Variants in BCAS3 observed in about 807,000 individuals in gnomAD.
BCAS3 encodes BCAS3 microtubule associated cell migration factor.
BCAS3 carries 53 observed loss-of-function variants against 116.1 expected under a neutral mutation model. The ratio of observed to expected loss-of-function variants is 0.46; its 90% CI spans 0.37 to 0.57. BCAS3 has a LOEUF of 0.57. BCAS3 is among the 20% of genes least tolerant of loss of function. The probability of loss-of-function intolerance (pLI) is 0.00; values close to 1 mark genes in which losing one functional copy is unlikely to be tolerated. For missense variants in BCAS3, 917 were observed against 1,165.4 expected, an observed-to-expected ratio of 0.79 and a Z score of 3.10; for synonymous variants, 391 against 408.2, an observed-to-expected ratio of 0.96 and a Z score of 0.51.
At chr17:61,120,761 A>G (rs1026241442) in intron 22 of BCAS3, among the ~76,000 whole-genome samples, 3 of 152,176 alleles carry the variant, frequency 2.0e-5, no homozygotes, top group African/African-American at 7.2e-5. Flanking sequence ...GAAGATTAAC[A>G]ATAATAATGT....
intron 19 of BCAS3, among the ~76,000 whole-genome samples, chr17:61,067,273 G>GTGTATA (rs1251223420): frequency 4.9e-4 from 29 of 58,800 alleles, no homozygotes; most frequent in East Asian, 1.5e-3. Flanking sequence ...GTGTGTATGT[G>GTGTATA]TATATATATA....
chr17:61,326,047 C>A lies in BCAS3; in HGVS notation c.2426-42280C>A, dbSNP rs917396428. ...TCTCTATAAATGCTAACTGTGTGTG[C>A]TATTAAATGCGCACTGCCCGGACAC... On this transcript the variant is annotated intron_variant, in intron 22 of 23. Transcript: ENST00000407086. The surrounding 1 kb of genome is among the most constrained non-coding windows in gnomAD (Gnocchi z 5.3). Among the ~76,000 whole-genome samples the A allele has an allele frequency of 1.8e-4, 27 of 152,164 alleles. 1 individual carries two copies. The highest frequency in any genetic ancestry group is 6.5e-4 in the African/African-American group (27 of 41,428).
At chr17:60,996,823 T>G (rs1407587551) in intron 15 of BCAS3, among the ~76,000 whole-genome samples, 1 of 152,128 alleles carries the variant, frequency 6.6e-6, no homozygotes, top group Non-Finnish European at 1.5e-5. Flanking sequence ...AAACTATATA[T>G]GAGAAATCCT....
chr17:60,985,393 C>T (rs926549524), intron 14 of BCAS3, among the ~76,000 whole-genome samples: 2 of 151,934 alleles, frequency 1.3e-5, no homozygotes, highest in African/African-American at 2.4e-5. Flanking sequence ...GTGATCCACC[C>T]GTCTTGGCCT....
Position 61,013,516 on chromosome 17 carries a change from A to C in BCAS3, c.1487-2235A>C, listed in dbSNP as rs765816641. Among the ~76,000 whole-genome samples, 2 of 152,086 alleles carry C rather than the reference A, an allele frequency of 1.3e-5. No homozygotes were observed. The highest frequency in any genetic ancestry group is 2.9e-5 in the Non-Finnish European group (2 of 67,960). ...TGAAGCAGTTTTTCTCATTTCTTCC[A>C]CAAATATAATATTTTAATGTGATTT... On this transcript the variant is annotated intron_variant, in intron 15 of 23. Coordinates refer to ENST00000407086, the MANE Select transcript of BCAS3 (RefSeq NM_017679.5). This position sits in a 1 kb window ranked among gnomAD's most constrained non-coding sequence, Gnocchi z 4.4.
intron 3 of BCAS3, among the ~76,000 whole-genome samples, chr17:60,686,212 GCTTT>G (rs1189991220): frequency 1.3e-5 from 2 of 152,102 alleles, no homozygotes; most frequent in Non-Finnish European, 2.9e-5. Context: ...TGAGAACAGT[GCTTT>G]CTAACATTTT....
chr17:61,275,234 T>C (rs942587436), intron 22 of BCAS3, among the ~76,000 whole-genome samples: 4 of 152,252 alleles, frequency 2.6e-5, no homozygotes, highest in African/African-American at 9.6e-5. Context: ...AAAAATTGAT[T>C]GAATTGTCTA....
rs77139215 is a variant in BCAS3 at position 61,313,366 on chromosome 17, T to G, written c.2426-54961T>G. Among the ~76,000 whole-genome samples the G allele has an allele frequency of 0.019, 2,962 of 152,316 alleles. 66 individuals are homozygous for G. The highest frequency in any genetic ancestry group is 0.053 in the African/African-American group (2,184 of 41,570). Reference sequence around the variant, plus strand: ...CTATAGGAAGCTTAATCTGCGGTTCTACTTAAAATATGAGGAAACATCTGG... The same window carrying G: ...CTATAGGAAGCTTAATCTGCGGTTCGACTTAAAATATGAGGAAACATCTGG... On this transcript the variant is annotated intron_variant, in intron 22 of 23. Transcript: ENST00000407086. This position sits in a 1 kb window ranked among gnomAD's most constrained non-coding sequence, Gnocchi z 4.3.
chr17:60,803,407 T>C (rs62082890), intron 6 of BCAS3, among the ~76,000 whole-genome samples: 325 of 152,372 alleles, frequency 2.1e-3, no homozygotes, highest in Admixed American at 3.8e-3. Context: ...GATTCTGCGA[T>C]GTAAAGTAAT....
intron 6 of BCAS3, among the ~76,000 whole-genome samples, chr17:60,793,263 A>T (rs998691626): frequency 2.6e-5 from 4 of 151,584 alleles, no homozygotes; most frequent in African/African-American, 9.7e-5. Context: ...TGCCCTGCTA[A>T]TTTTTTTGTT....
At chr17:60,805,647 G>A (rs1483420511) in intron 6 of BCAS3, among the ~76,000 whole-genome samples, 1 of 151,994 alleles carries the variant, frequency 6.6e-6, no homozygotes, top group Non-Finnish European at 1.5e-5. Flanking sequence ...GGGCAACACG[G>A]TGAAACCCCG....
intron 6 of BCAS3, among the ~76,000 whole-genome samples, chr17:60,747,783 A>G (rs1429207203): frequency 1.3e-5 from 2 of 152,212 alleles, no homozygotes; most frequent in Admixed American, 1.3e-4. Context: ...CTGCATCTAC[A>G]GCTATGTCAG....
rs1164808032 is a variant in BCAS3, at chr17:61,326,507, C to A, written c.2426-41820C>A. Among the ~76,000 whole-genome samples, 1 of 152,016 alleles carries A rather than the reference C, an allele frequency of 6.6e-6. No individual in the cohort carries two copies. The highest frequency in any genetic ancestry group is 3.2e-3 in the Middle Eastern group (1 of 316). ...GAAGACAGGAGACTGTTAGAGAAGT[C>A]GAGTAGAACATGATGGAATGGATTA... On this transcript the variant is annotated intron_variant, in intron 22 of 23. Transcript: ENST00000407086. The surrounding 1 kb of genome is among the most constrained non-coding windows in gnomAD (Gnocchi z 5.3).
chr17:61,043,908 C>T (rs910820148), intron 19 of BCAS3, among the ~76,000 whole-genome samples: 5 of 151,982 alleles, frequency 3.3e-5, no homozygotes, highest in Non-Finnish European at 7.4e-5. Context: ...TTTTTAACTT[C>T]GTGGTTGTAG....
At position 61,343,073 on chromosome 17, in the gene BCAS3, G is replaced by A. The variant is rs1416223158; in HGVS notation, c.2426-25254G>A. Among the ~76,000 whole-genome samples, 2 of 152,196 alleles carry A rather than the reference G, an allele frequency of 1.3e-5. No individual in the cohort carries two copies. The highest frequency in any genetic ancestry group is 2.4e-5 in the African/African-American group (1 of 41,450). On this transcript the variant is annotated intron_variant, in intron 22 of 23. Transcript: ENST00000407086. The surrounding 1 kb of genome is among the most constrained non-coding windows in gnomAD (Gnocchi z 5.5). ...AGCCGAGATTTTCTTTTAAAGGAAGGTGAGAGAGTAACTTCTTGGCCACCT... is the reference window on the plus strand; with the variant it reads ...AGCCGAGATTTTCTTTTAAAGGAAGATGAGAGAGTAACTTCTTGGCCACCT...
In BCAS3 at chr17:61,105,204, T is replaced by C. The variant is rs551740112; in HGVS notation, c.2425+20640T>C. On this transcript the variant is annotated intron_variant, in intron 22 of 23. Coordinates refer to ENST00000407086, the MANE Select transcript of BCAS3 (RefSeq NM_017679.5). The surrounding 1 kb of genome is among the most constrained non-coding windows in gnomAD (Gnocchi z 4.3). ...GGGCACAGCACATTGGAAAACTGCC[T>C]TGCACCAGCCCAGTTTTCCACTCAG... Among the ~76,000 whole-genome samples, 238 of 152,352 alleles carry C rather than the reference T, an allele frequency of 1.6e-3. No individual in the cohort carries two copies. The highest frequency in any genetic ancestry group is 6.8e-3 in the Middle Eastern group (2 of 294).
intron 22 of BCAS3, among the ~76,000 whole-genome samples, chr17:61,176,412 TCTTA>T (rs1322438438): frequency 1.3e-5 from 2 of 150,842 alleles, no homozygotes; most frequent in African/African-American, 4.8e-5. Context: ...TAATTTTTAT[TCTTA>T]CTTCCTGATA....
intron 22 of BCAS3, among the ~76,000 whole-genome samples, chr17:61,254,777 G>GGAAAAAAAAAAAAA (rs749297966): frequency 1.4e-5 from 1 of 73,526 alleles, no homozygotes; most frequent in Admixed American, 2.3e-4. Flanking sequence ...CTCCGTCTCA[G>GGAAAAAAAAAAAAA]AAAAAAAAAA....
chr17:61,238,656 C>G (rs976321385), intron 22 of BCAS3, among the ~76,000 whole-genome samples: 2 of 152,092 alleles, frequency 1.3e-5, no homozygotes, highest in Non-Finnish European at 2.9e-5. Flanking sequence ...TTTTTCTGAG[C>G]GACACATTTG....
Sources: allele counts gnomAD v4.1 joint callset (sites outside exome capture counted in the v4.1 genomes callset), GRCh38; gene constraint gnomAD v4.1.1; non-coding constraint Gnocchi (gnomAD v3.1); transcripts MANE v1.5; gene names NCBI Gene and HGNC (gene_info 2026-07-23, HGNC 2026-07-21).